Variants in CLPB observed in about 807,000 individuals in gnomAD.
CLPB encodes the protein ClpB family mitochondrial disaggregase.
A neutral mutation model predicts 78.4 loss-of-function variants in CLPB; 40 were observed. The ratio of observed to expected loss-of-function variants is 0.51; its 90% confidence interval spans 0.40 to 0.66. The LOEUF is 0.66. Among genes scored for constraint, CLPB ranks in the 30% least tolerant of loss-of-function variants. The pLI, the probability that CLPB is intolerant of heterozygous loss-of-function variation, is 0.00. For synonymous variants in CLPB, 333 were observed against 348.0 expected, an observed-to-expected ratio of 0.96 and a Z score of 0.48; for missense variants, 780 against 886.9, an observed-to-expected ratio of 0.88 and a Z score of 1.53.
At chr11:72,309,511 G>C (rs907735970) in intron 7 of CLPB, among the ~76,000 whole-genome samples, 1 of 152,046 alleles carries the variant, frequency 6.6e-6, no homozygotes, top group Admixed American at 6.6e-5. Context: ...CACCAACAAC[G>C]TATCTATTCA....
At chr11:72,327,687 G>A (rs1950154534) in intron 6 of CLPB, among the ~76,000 whole-genome samples, 1 of 152,182 alleles carries the variant, frequency 6.6e-6, no homozygotes, top group South Asian at 2.1e-4. Flanking sequence ...TCAGGCAAAA[G>A]CCACTGGGCT....
At chr11:72,331,578 T>G (rs1449515320) in intron 5 of CLPB, among the ~76,000 whole-genome samples, 7 of 131,710 alleles carry the variant, frequency 5.3e-5, no homozygotes, top group African/African-American at 2.0e-4. Context: ...CTGTTTTTTT[T>G]TTTTTTTTTT....
At chr11:72,400,488 T>G (rs191828062) in intron 3 of CLPB, among the ~76,000 whole-genome samples, 1 of 152,314 alleles carries the variant, frequency 6.6e-6, no homozygotes, top group East Asian at 1.9e-4. Flanking sequence ...CAAAAGCATA[T>G]CTACTAGCCA....
chr11:72,313,766 T>A (rs1949889228), intron 7 of CLPB, among the ~76,000 whole-genome samples: 2 of 152,222 alleles, frequency 1.3e-5, no homozygotes, highest in African/African-American at 2.4e-5. Flanking sequence ...AAATGAGGCA[T>A]CCTTCACCTC....
chr11:72,305,197 G>A (rs1363825653), intron 9 of CLPB, among the ~76,000 whole-genome samples: 1 of 152,204 alleles, frequency 6.6e-6, no homozygotes, highest in African/African-American at 2.4e-5. Flanking sequence ...ATCACAGTGA[G>A]GAGTTGAGAG....
At chr11:72,342,270 A>C (rs574892938) in intron 5 of CLPB, among the ~76,000 whole-genome samples, 2 of 152,322 alleles carry the variant, frequency 1.3e-5, no homozygotes, top group East Asian at 3.9e-4. Context: ...GGTTAGAAAG[A>C]GGTGGTATAA....
intron 4 of CLPB, chr11:72,359,298 C>A: frequency 1.9e-6 from 1 of 528,620 alleles, no homozygotes; most frequent in South Asian, 1.7e-5. Context: ...CAGACAATAA[C>A]CAGATGTTTA....
chr11:72,345,934 CT>C (rs1950504564), intron 5 of CLPB, among the ~76,000 whole-genome samples: 1 of 152,008 alleles, frequency 6.6e-6, no homozygotes, highest in Non-Finnish European at 1.5e-5. Context: ...AGTTCTGAAG[CT>C]TTTTAAGATG....
rs546382934 is a variant in CLPB, at chr11:72,312,234, C to T, written c.989-3630G>A. ...GGTGATGAAAGCAATTTGTAAGTGG[C>T]GAGGAGTGGGATAACAATAAGAGTA... On this transcript the variant is annotated intron_variant, in intron 7 of 15. Transcript: ENST00000538039. This position sits in a 1 kb window ranked among gnomAD's most constrained non-coding sequence, Gnocchi z 4.2. Among the ~76,000 whole-genome samples, 1 of 152,230 alleles carries T rather than the reference C, an allele frequency of 6.6e-6. No individual in the cohort carries two copies. Among genetic ancestry groups the T allele is most frequent in the Admixed American group, 6.5e-5 (1 of 15,292 alleles).
chr11:72,342,948 T>C (rs908696621), intron 5 of CLPB, among the ~76,000 whole-genome samples: 11 of 152,190 alleles, frequency 7.2e-5, no homozygotes, highest in African/African-American at 1.9e-4. Flanking sequence ...CTAATTCAGT[T>C]ATGAGGCCAA....
At chr11:72,362,346 C>G (rs1007690197) in intron 4 of CLPB, among the ~76,000 whole-genome samples, 4 of 152,128 alleles carry the variant, frequency 2.6e-5, no homozygotes, top group Non-Finnish European at 4.4e-5. Flanking sequence ...CCCCACTAGA[C>G]AAAAAACTCA....
intron 9 of CLPB, 71 bp from the exon 10 acceptor site, chr11:72,302,419 G>A: frequency 7.6e-7 from 1 of 1,312,890 alleles, no homozygotes; most frequent in Non-Finnish European, 1.1e-6. Context: ...AGGGAGGAGA[G>A]CACCTCAACT....
chr11:72,295,992 G>C (rs767164433), intron 11 of CLPB, among the ~76,000 whole-genome samples: 14 of 152,314 alleles, frequency 9.2e-5, no homozygotes, highest in African/African-American at 3.1e-4. Context: ...TTGGAGGCCC[G>C]CTGTGGGCCA....
chr11:72,414,937 G>A (rs1855977261), intron 2 of CLPB, among the ~76,000 whole-genome samples: 1 of 152,304 alleles, frequency 6.6e-6, no homozygotes, highest in East Asian at 1.9e-4. Context: ...ACAAGGCCAG[G>A]CTGGGAACGG....
chr11:72,330,113 T>C (rs1001765486), intron 5 of CLPB, among the ~76,000 whole-genome samples: 1 of 152,218 alleles, frequency 6.6e-6, no homozygotes, highest in East Asian at 1.9e-4. Context: ...ATTTCATACA[T>C]GTATTCATTA....
At chr11:72,402,694 G>A (rs956178543) in intron 3 of CLPB, among the ~76,000 whole-genome samples, 7 of 152,170 alleles carry the variant, frequency 4.6e-5, no homozygotes, top group African/African-American at 1.7e-4. Context: ...ATTACAACAG[G>A]CTTCCAAACA....
At chr11:72,385,763 C>T (rs1264458274) in intron 3 of CLPB, among the ~76,000 whole-genome samples, 2 of 152,166 alleles carry the variant, frequency 1.3e-5, no homozygotes, top group African/African-American at 4.8e-5. Context: ...GCGGAGGATG[C>T]AGTGAGCCGA....
intron 5 of CLPB, among the ~76,000 whole-genome samples, chr11:72,331,328 C>A (rs565204632): frequency 1.1e-4 from 16 of 151,048 alleles, no homozygotes; most frequent in Non-Finnish European, 2.9e-5. Context: ...AGTGTGAACC[C>A]GGGAGGCGGA....
chr11:72,344,337 T>C (rs1054852188), intron 5 of CLPB, among the ~76,000 whole-genome samples: 1 of 151,518 alleles, frequency 6.6e-6, no homozygotes, highest in Admixed American at 6.6e-5. Context: ...GCCTCCTGAG[T>C]AGATGGGACC....
Sources: allele counts gnomAD v4.1 joint callset (sites outside exome capture counted in the v4.1 genomes callset), GRCh38; gene constraint gnomAD v4.1.1; non-coding constraint Gnocchi (gnomAD v3.1); transcripts MANE v1.5; gene names NCBI Gene and HGNC (gene_info 2026-07-23, HGNC 2026-07-21).